Variants in AP3B1 observed in about 807,000 individuals in gnomAD.
AP3B1 encodes AP-3 complex subunit beta-1.
AP3B1 carries 61 observed loss-of-function variants against 132.5 expected under a neutral mutation model. The ratio of observed to expected loss-of-function variants is 0.46; its 90% CI spans 0.37 to 0.57. AP3B1 has a LOEUF of 0.57. Ranked by LOEUF, AP3B1 falls within the 20% of genes least tolerant of loss-of-function variation. AP3B1 has a pLI of 0.00. For missense variants in AP3B1, 1,120 were observed against 1,289.4 expected (o/e 0.87, Z 2.01); for synonymous variants, 388 against 438.3 (o/e 0.89, Z 1.43).
At chr5:78,035,938 G>C (rs750501596) in intron 23 of AP3B1, among the ~76,000 whole-genome samples, 1 of 152,010 alleles carries the variant, frequency 6.6e-6, no homozygotes, top group Non-Finnish European at 1.5e-5. Context: ...GGCTATTCTT[G>C]AGTGAATTCT....
downstream of AP3B1, chr5:78,001,043 C>A (rs1746191004): frequency 6.6e-6 from 1 of 151,962 alleles, no homozygotes; most frequent in South Asian, 2.1e-4. Context: ...AAGTTAGCAG[C>A]CAAAAATAAC....
At chr5:78,118,724 C>A (rs2112272882) in intron 17 of AP3B1, among the ~76,000 whole-genome samples, 1 of 152,376 alleles carries the variant, frequency 6.6e-6, no homozygotes, top group African/African-American at 2.4e-5. Context: ...GCCTGCCTGC[C>A]TCTGTAGGCT....
intron 1 of AP3B1, among the ~76,000 whole-genome samples, chr5:78,290,756 C>T (rs2112599864): frequency 6.6e-6 from 1 of 152,128 alleles, no homozygotes; most frequent in South Asian, 2.1e-4. Context: ...CAAGACTAGC[C>T]TGGGCAACAT....
chr5:78,256,872 A>G (rs1747870086), intron 2 of AP3B1, among the ~76,000 whole-genome samples: 1 of 152,204 alleles, frequency 6.6e-6, no homozygotes, highest in South Asian at 2.1e-4. Flanking sequence ...AACATACACA[A>G]ATCAATCAAT....
chr5:78,153,893 T>C (rs1278490111), intron 14 of AP3B1, among the ~76,000 whole-genome samples: 1 of 152,228 alleles, frequency 6.6e-6, no homozygotes, highest in Non-Finnish European at 1.5e-5. Flanking sequence ...TTATATCATA[T>C]TGTACTGTCC....
chr5:78,078,290 G>T (rs1413366690), intron 22 of AP3B1, among the ~76,000 whole-genome samples: 2 of 152,094 alleles, frequency 1.3e-5, no homozygotes, highest in East Asian at 1.9e-4. Context: ...GCAAATCTCA[G>T]TTATCTACCT....
chr5:78,166,679 A>C (rs1321882386), intron 11 of AP3B1, among the ~76,000 whole-genome samples: 2 of 152,178 alleles, frequency 1.3e-5, no homozygotes, highest in Non-Finnish European at 2.9e-5. Context: ...AATAAACTAC[A>C]TTAAATAAAG....
At chr5:78,257,085 A>G (rs947686359) in intron 2 of AP3B1, among the ~76,000 whole-genome samples, 1 of 152,140 alleles carries the variant, frequency 6.6e-6, no homozygotes, top group Non-Finnish European at 1.5e-5. Flanking sequence ...GAAAAAACTG[A>G]AAGTCTTTCC....
At chr5:78,146,747 T>C (rs573934651) in intron 14 of AP3B1, among the ~76,000 whole-genome samples, 6 of 152,192 alleles carry the variant, frequency 3.9e-5, no homozygotes, top group African/African-American at 2.4e-5. Context: ...CCTACATGTT[T>C]TGAAATAAAG....
intron 22 of AP3B1, among the ~76,000 whole-genome samples, chr5:78,047,488 T>C (rs1748390463): frequency 6.6e-6 from 1 of 152,254 alleles, no homozygotes. Context: ...ATTGGCCACA[T>C]AAATGTCTTC....
At chr5:78,275,703 GACCTCGTGATCCACCC>G (rs1748744495) in intron 1 of AP3B1, among the ~76,000 whole-genome samples, 3 of 152,102 alleles carry the variant, frequency 2.0e-5, no homozygotes, top group Admixed American at 2.0e-4. Flanking sequence ...TCGATCTCCT[GACCTCGTGATCCACCC>G]ACCTCGGCCT....
At chr5:78,096,664 C>T (rs1561402907) in intron 21 of AP3B1, among the ~76,000 whole-genome samples, 1 of 151,622 alleles carries the variant, frequency 6.6e-6, no homozygotes, top group African/African-American at 2.4e-5. Context: ...CCGGCCGCGA[C>T]TCCGTCTGGG....
At chr5:78,015,126 C>T (rs1746802430) in intron 26 of AP3B1, among the ~76,000 whole-genome samples, 1 of 152,006 alleles carries the variant, frequency 6.6e-6, no homozygotes, top group African/African-American at 2.4e-5. Context: ...TCAACCACCT[C>T]AAAAAGGGTA....
chr5:78,071,550 C>A (rs2112163534), intron 22 of AP3B1, among the ~76,000 whole-genome samples: 1 of 152,234 alleles, frequency 6.6e-6, no homozygotes, highest in African/African-American at 2.4e-5. Flanking sequence ...GCACATGTAT[C>A]CTGGAACTTA....
At chr5:78,052,361 C>A (rs545957149) in intron 22 of AP3B1, among the ~76,000 whole-genome samples, 27 of 152,222 alleles carry the variant, frequency 1.8e-4, no homozygotes, top group African/African-American at 4.8e-4. Context: ...CACCAGCAAA[C>A]CATGCTTAGA....
chr5:78,002,768 G>A lies in AP3B1; in HGVS notation c.*134C>T. On this transcript the variant is annotated 3_prime_UTR_variant, in exon 27 of 27. Transcript: ENST00000255194. ...GATACACACTAGCATTCTAAAGCAGGAGACAAGAATGTCAAGAGTGTATTC... is the reference window on the plus strand; with the variant it reads ...GATACACACTAGCATTCTAAAGCAGAAGACAAGAATGTCAAGAGTGTATTC... The A allele has an allele frequency of 9.9e-7, 1 of 1,014,454 alleles. No homozygotes were observed. Among genetic ancestry groups the A allele is most frequent in the Non-Finnish European group, 1.6e-6 (1 of 637,504 alleles). The allele number at this position is 1,014,454 out of a possible 1,614,324, so 62.8% of individuals were successfully genotyped here.
At position 78,106,462 on chromosome 5, in the gene AP3B1, AAAAGAAAG is replaced by A. The variant is rs140246615; in HGVS notation, c.2397+3737_2397+3744del. Among the ~76,000 whole-genome samples the A allele has an allele frequency of 4.0e-3, 600 of 151,266 alleles. 2 individuals are homozygous for A. Among genetic ancestry groups the A allele is most frequent in the Middle Eastern group, 0.014 (4 of 294 alleles). ...GACAGAGCAAGACTCTGTCTCAAAA[AAAAGAAAG>A]AAAGAAAGAAAGAAAGAACACAAGG... On this transcript the variant is annotated intron_variant, in intron 20 of 26. Transcript: ENST00000255194.
intron 6 of AP3B1, among the ~76,000 whole-genome samples, chr5:78,221,158 A>G (rs904921751): frequency 6.6e-6 from 1 of 152,176 alleles, no homozygotes; most frequent in Non-Finnish European, 1.5e-5. Context: ...CTCCCACCAA[A>G]AGGCCATCTA....
intron 15 of AP3B1, among the ~76,000 whole-genome samples, chr5:78,138,936 C>T (rs1753025302): frequency 7.7e-6 from 1 of 129,650 alleles, no homozygotes; most frequent in South Asian, 2.6e-4. Flanking sequence ...TGCCACTGAA[C>T]TCTAGACTGT....
Sources: gnomAD v4.1 joint callset for allele counts (sites outside exome capture counted in the v4.1 genomes callset) on GRCh38, gnomAD v4.1.1 for gene constraint, MANE v1.5 for transcripts, NCBI Gene and HGNC (gene_info 2026-07-23, HGNC 2026-07-21) for gene names.